Variants in TRHDE observed in about 807,000 individuals in gnomAD.
TRHDE encodes the protein thyrotropin-releasing hormone-degrading ectoenzyme.
Under a neutral mutation model 125.7 loss-of-function variants are expected in TRHDE, and 72 were observed. The observed-to-expected ratio is 0.57, with a 90% CI of 0.47 to 0.70. The LOEUF (loss-of-function observed/expected upper bound fraction) is 0.70, where lower values mean the gene tolerates loss of function less well. Among genes scored for constraint, TRHDE ranks in the 30% least tolerant of loss-of-function variants. The pLI is 0.00. For synonymous variants in TRHDE, 509 were observed against 509.1 expected (o/e 1.00, Z 0.00); for missense variants, 1,110 against 1,327.1 (o/e 0.84, Z 2.54).
chr12:72,514,628 T>C (rs962387562), intron 6 of TRHDE, among the ~76,000 whole-genome samples: 1 of 146,296 alleles, frequency 6.8e-6, no homozygotes, highest in South Asian at 2.2e-4. Flanking sequence ...TTACTTTTTC[T>C]TTTTTTTTTT....
chr12:72,195,615 G>T (rs979744805), intron 2 of TRHDE, among the ~76,000 whole-genome samples: 3 of 151,896 alleles, frequency 2.0e-5, no homozygotes, highest in African/African-American at 4.8e-5. Context: ...GCTTGTTTTT[G>T]TTCCTTATAG....
At chr12:72,245,239 GTGTA>G (rs1055333226) in intron 2 of TRHDE, among the ~76,000 whole-genome samples, 28 of 147,070 alleles carry the variant, frequency 1.9e-4, no homozygotes, top group South Asian at 4.3e-4. Context: ...CTATGTTTGT[GTGTA>G]TGTGTGTGTG....
At chr12:72,124,080 T>G (rs139863609) in intron 2 of TRHDE, among the ~76,000 whole-genome samples, 3 of 152,290 alleles carry the variant, frequency 2.0e-5, no homozygotes, top group South Asian at 2.1e-4. Context: ...ACAAAACCAC[T>G]GTGAGATTCA....
rs1871345197 is a variant in TRHDE, at chr12:72,584,016, C to T, written c.2321+8474C>T. On this transcript the variant is annotated intron_variant, in intron 12 of 18. Transcript: ENST00000261180. ...CGCAATCTCGGCTCACTGCAGGCTC[C>T]GCCCCCTGGGGTTCACGCCATTCTC... Among the ~76,000 whole-genome samples the T allele has an allele frequency of 1.0e-4, 9 of 86,006 alleles. 1 individual carries two copies. The South Asian group carries it at 2.2e-3, about 21-fold the overall frequency. The allele number at this position is 86,006 out of a possible 152,430, so 56.4% of individuals were successfully genotyped here.
In TRHDE at chr12:72,667,037, A is replaced by G. The variant is rs2136121464; in HGVS notation, c.*3842A>G. The G allele has an allele frequency of 6.6e-6, 1 of 152,128 alleles. No homozygotes were observed. Among genetic ancestry groups the G allele is most frequent in the Admixed American group, 6.6e-5 (1 of 15,244 alleles). The allele number at this position is 152,128 out of a possible 1,614,324, so 9.4% of individuals were successfully genotyped here. On this transcript the variant is annotated 3_prime_UTR_variant, in exon 19 of 19. Transcript: ENST00000261180. The stretch of plus-strand genomic sequence containing the variant: ...GTGTGCATCTCAATCAGTAAAAATA[A>G]TATTCAGTAAAATGTCTATAAATCT...
At chr12:72,461,616 C>CT (rs77831863) in intron 3 of TRHDE, among the ~76,000 whole-genome samples, 2,802 of 143,396 alleles carry the variant, frequency 0.02, 32 homozygotes, top group Middle Eastern at 0.056. Context: ...CAAAATACAA[C>CT]TTTTTTTTTT....
intron 2 of TRHDE, among the ~76,000 whole-genome samples, chr12:72,352,501 T>A (rs1009036917): frequency 1.3e-5 from 2 of 151,858 alleles, no homozygotes; most frequent in Non-Finnish European, 2.9e-5. Flanking sequence ...TATACTTTTT[T>A]AAGATGAAGA....
At chr12:72,212,862 C>T (rs2139362898) in intron 2 of TRHDE, among the ~76,000 whole-genome samples, 1 of 152,204 alleles carries the variant, frequency 6.6e-6, no homozygotes, top group African/African-American at 2.4e-5. Flanking sequence ...AACATGTATC[C>T]ACACAAGAAC....
intron 12 of TRHDE, among the ~76,000 whole-genome samples, chr12:72,591,632 G>GTTTTTTTTTTTTTTTTTTTT (rs71071842): frequency 4.8e-5 from 6 of 125,430 alleles, no homozygotes; most frequent in African/African-American, 1.9e-4. Flanking sequence ...AAGGATATGG[G>GTTTTTTTTTTTTTTTTTTTT]TTTTTTTTTT....
intron 2 of TRHDE, among the ~76,000 whole-genome samples, chr12:72,310,210 T>C (rs780913396): frequency 6.6e-6 from 1 of 152,202 alleles, no homozygotes; most frequent in Non-Finnish European, 1.5e-5. Context: ...CTTCACCTGT[T>C]AAAGGGAGAC....
intron 2 of TRHDE, among the ~76,000 whole-genome samples, chr12:72,121,867 T>C (rs972592319): frequency 1.3e-5 from 2 of 152,044 alleles, no homozygotes; most frequent in Non-Finnish European, 2.9e-5. Context: ...GGTGGAAGTG[T>C]AGCAGTAGCC....
intron 18 of TRHDE, among the ~76,000 whole-genome samples, chr12:72,662,199 C>T (rs1484525408): frequency 6.6e-6 from 1 of 152,124 alleles, no homozygotes; most frequent in African/African-American, 2.4e-5. Flanking sequence ...CATAATGATT[C>T]TGTGTTGCAA....
chr12:72,339,804 C>T (rs1306410366), intron 2 of TRHDE, among the ~76,000 whole-genome samples: 1 of 152,140 alleles, frequency 6.6e-6, no homozygotes, highest in Non-Finnish European at 1.5e-5. Flanking sequence ...ATTGAGAATG[C>T]CTGCTACTAA....
chr12:72,239,308 T>A (rs868817871), intron 2 of TRHDE, among the ~76,000 whole-genome samples: 5 of 152,320 alleles, frequency 3.3e-5, no homozygotes, highest in Middle Eastern at 3.4e-3. Flanking sequence ...ATGGACAGAT[T>A]GCAAACATTT....
chr12:72,576,280 T>G (rs182068853), intron 12 of TRHDE, among the ~76,000 whole-genome samples: 1 of 152,252 alleles, frequency 6.6e-6, no homozygotes, highest in African/African-American at 2.4e-5. Context: ...CTCTCTTTAC[T>G]TACCTGGTTA....
intron 15 of TRHDE, among the ~76,000 whole-genome samples, chr12:72,643,848 CT>C (rs1874168725): frequency 6.6e-6 from 1 of 152,072 alleles, no homozygotes; most frequent in Non-Finnish European, 1.5e-5. Context: ...TCAAAGATGA[CT>C]GATTAAACTG....
intron 2 of TRHDE, among the ~76,000 whole-genome samples, chr12:72,195,525 TG>T: frequency 6.6e-6 from 1 of 152,292 alleles, no homozygotes; most frequent in South Asian, 2.1e-4. Flanking sequence ...TTTTTCATAT[TG>T]TTGGCCACTT....
chr12:72,341,630 T>A (rs376622544), intron 2 of TRHDE, among the ~76,000 whole-genome samples: 1 of 152,026 alleles, frequency 6.6e-6, no homozygotes. Context: ...ATTGGATGAA[T>A]TGAAAGGAGT....
intron 2 of TRHDE, among the ~76,000 whole-genome samples, chr12:72,217,949 TA>T (rs1877927107): frequency 6.6e-6 from 1 of 152,126 alleles, no homozygotes; most frequent in Non-Finnish European, 1.5e-5. Flanking sequence ...TTTTTGTCTA[TA>T]ACAAAAATGT....
Sources: gnomAD v4.1 joint callset for allele counts (sites outside exome capture counted in the v4.1 genomes callset) on GRCh38, gnomAD v4.1.1 for gene constraint, MANE v1.5 for transcripts, NCBI Gene and HGNC (gene_info 2026-07-23, HGNC 2026-07-21) for gene names.